The following SGCZ variants were observed in gnomAD, a reference collection of about 807,000 sequenced individuals.
SGCZ encodes zeta-sarcoglycan.
SGCZ carries 40 observed loss-of-function variants against 41.3 expected under a neutral mutation model. That is an observed-to-expected ratio of 0.97 (90% confidence interval 0.75 to 1.26). The LOEUF is 1.26. Among genes scored for constraint, SGCZ ranks in the 50% most tolerant of loss-of-function variants. SGCZ has a pLI of 0.00. For synonymous variants in SGCZ, 206 were observed against 137.5 expected (o/e 1.50, Z -3.49); for missense variants, 552 against 369.8 (o/e 1.49, Z -4.04).
At chr8:14,761,391 C>A (rs1799867196) in intron 1 of SGCZ, among the ~76,000 whole-genome samples, 1 of 151,790 alleles carries the variant, frequency 6.6e-6, no homozygotes, top group African/African-American at 2.4e-5. Context: ...ACTTTATTTT[C>A]TTGGAAAACA....
intron 1 of SGCZ, among the ~76,000 whole-genome samples, chr8:14,798,303 A>G (rs1430025886): frequency 6.6e-6 from 1 of 152,220 alleles, no homozygotes; most frequent in African/African-American, 2.4e-5. Flanking sequence ...TTGGAAGGCA[A>G]TAATCCTCTC....
intron 1 of SGCZ, among the ~76,000 whole-genome samples, chr8:14,641,064 A>G (rs902312538): frequency 3.3e-5 from 5 of 151,738 alleles, no homozygotes; most frequent in South Asian, 2.1e-4. Flanking sequence ...CTCTGTTCCC[A>G]TCTTGTCCAG....
At chr8:14,422,668 C>A (rs1799666810) in intron 2 of SGCZ, among the ~76,000 whole-genome samples, 1 of 152,136 alleles carries the variant, frequency 6.6e-6, no homozygotes, top group African/African-American at 2.4e-5. Context: ...ACAAAGAAAG[C>A]CTGTGGGGAG....
intron 4 of SGCZ, among the ~76,000 whole-genome samples, chr8:14,228,959 C>T (rs892746231): frequency 2.6e-5 from 4 of 152,120 alleles, no homozygotes; most frequent in African/African-American, 9.7e-5. Flanking sequence ...TTTAGGACCA[C>T]AGCACAGAGC....
intron 2 of SGCZ, among the ~76,000 whole-genome samples, chr8:14,333,047 A>G (rs1462120732): frequency 6.6e-6 from 1 of 151,994 alleles, no homozygotes; most frequent in Non-Finnish European, 1.5e-5. Flanking sequence ...AATATTTTTG[A>G]GAAAAAAATA....
At chr8:14,410,077 C>A (rs536396891) in intron 2 of SGCZ, among the ~76,000 whole-genome samples, 1 of 152,130 alleles carries the variant, frequency 6.6e-6, no homozygotes, top group Non-Finnish European at 1.5e-5. Context: ...TCCAGTAAGA[C>A]CAGGGGTGGC....
intron 1 of SGCZ, among the ~76,000 whole-genome samples, chr8:14,585,371 T>C (rs931749206): frequency 6.6e-6 from 1 of 152,300 alleles, no homozygotes; most frequent in East Asian, 1.9e-4. Context: ...ACTGTATTTA[T>C]TTTACCTTTG....
At chr8:14,309,324 G>A (rs116588441) in intron 3 of SGCZ, 2 of 1,597,960 alleles carry the variant, frequency 1.3e-6, no homozygotes, top group African/African-American at 2.7e-5. Flanking sequence ...GAGACTATGT[G>A]GGAAGATGAG....
At chr8:14,185,450 T>G (rs1415812541) in intron 4 of SGCZ, among the ~76,000 whole-genome samples, 1 of 152,030 alleles carries the variant, frequency 6.6e-6, no homozygotes, top group Non-Finnish European at 1.5e-5. Context: ...CTGGCTTTCA[T>G]TCTCATTACT....
At chr8:14,145,176 T>C (rs1803483938) in intron 5 of SGCZ, among the ~76,000 whole-genome samples, 1 of 152,082 alleles carries the variant, frequency 6.6e-6, no homozygotes, top group Non-Finnish European at 1.5e-5. Flanking sequence ...GCAGTCATAG[T>C]GGTAGGGGCC....
intron 2 of SGCZ, among the ~76,000 whole-genome samples, chr8:14,363,401 C>A (rs975896795): frequency 6.6e-6 from 1 of 152,056 alleles, no homozygotes. Flanking sequence ...TACGATATGG[C>A]ACTATTTAAT....
At chr8:14,618,706 T>C (rs1459162216) in intron 1 of SGCZ, among the ~76,000 whole-genome samples, 1 of 152,138 alleles carries the variant, frequency 6.6e-6, no homozygotes, top group African/African-American at 2.4e-5. Flanking sequence ...TAAGAGTCTG[T>C]TAAAGTAATT....
chr8:14,407,428 T>C (rs11986327), intron 2 of SGCZ, among the ~76,000 whole-genome samples: 20,410 of 152,034 alleles, frequency 0.13, 2,999 homozygotes, highest in African/African-American at 0.36. Flanking sequence ...CTAAACATCA[T>C]CCACCTATGT....
At chr8:15,222,238 AAAT>A (rs897755198) in intron 1 of SGCZ, among the ~76,000 whole-genome samples, 1 of 152,174 alleles carries the variant, frequency 6.6e-6, no homozygotes, top group African/African-American at 2.4e-5. Flanking sequence ...AATAAGGTTA[AAAT>A]TAGATTATGT....
intron 1 of SGCZ, among the ~76,000 whole-genome samples, chr8:15,021,659 C>T (rs534440810): frequency 1.5e-3 from 224 of 152,092 alleles, no homozygotes; most frequent in Non-Finnish European, 2.0e-3. Context: ...ACGTGTTAAT[C>T]CACATATGGT....
chr8:14,840,479 G>C (rs892418865), intron 1 of SGCZ, among the ~76,000 whole-genome samples: 1 of 152,068 alleles, frequency 6.6e-6, no homozygotes, highest in Non-Finnish European at 1.5e-5. Flanking sequence ...GAAAAGCTGT[G>C]ATTCACAGTA....
chr8:14,914,270 G>A (rs1005028777), intron 1 of SGCZ, among the ~76,000 whole-genome samples: 1 of 149,398 alleles, frequency 6.7e-6, no homozygotes, highest in East Asian at 1.9e-4. Flanking sequence ...ATTAACTAAT[G>A]TAATAAACAA....
intron 1 of SGCZ, among the ~76,000 whole-genome samples, chr8:14,786,509 A>G (rs1800771475): frequency 6.6e-6 from 1 of 152,148 alleles, no homozygotes; most frequent in Non-Finnish European, 1.5e-5. Flanking sequence ...GAATGGTACT[A>G]TATAGTGGAA....
intron 5 of SGCZ, among the ~76,000 whole-genome samples, chr8:14,146,748 T>A (rs1431607582): frequency 6.8e-6 from 1 of 147,252 alleles, no homozygotes. Flanking sequence ...GGCGGGCGCC[T>A]GTAGTCCCAG....
Sources: gnomAD v4.1 joint callset for allele counts (sites outside exome capture counted in the v4.1 genomes callset) on GRCh38, gnomAD v4.1.1 for gene constraint, MANE v1.5 for transcripts, NCBI Gene and HGNC (gene_info 2026-07-23, HGNC 2026-07-21) for gene names.